MMS22L: variants seen among roughly 807,000 people sequenced by gnomAD.
MMS22L encodes the protein protein MMS22-like.
In MMS22L, 74 loss-of-function variants were observed where a neutral mutation model predicts 159.1. The observed-to-expected ratio is 0.47, with a 90% CI of 0.39 to 0.56. The LOEUF is 0.56. Among genes scored for constraint, MMS22L ranks in the 20% least tolerant of loss-of-function variants. The pLI, the probability that MMS22L is intolerant of heterozygous loss-of-function variation, is 0.00. For synonymous variants in MMS22L, 517 were observed against 506.9 expected (o/e 1.02, Z -0.27); for missense variants, 1,351 against 1,422.1 (o/e 0.95, Z 0.80).
intron 19 of MMS22L, among the ~76,000 whole-genome samples, chr6:97,169,338 T>C (rs1043570468): frequency 3.9e-5 from 6 of 152,108 alleles, no homozygotes; most frequent in Admixed American, 2.6e-4. Context: ...ATTATTACTA[T>C]TGAGGTCTCC....
At chr6:97,209,304 T>C (rs930130986) in intron 14 of MMS22L, among the ~76,000 whole-genome samples, 1 of 152,048 alleles carries the variant, frequency 6.6e-6, no homozygotes, top group Non-Finnish European at 1.5e-5. Context: ...TTTGCACTAA[T>C]AGCACTCAAA....
intron 14 of MMS22L, among the ~76,000 whole-genome samples, chr6:97,226,916 C>G (rs969975007): frequency 2.0e-5 from 3 of 151,966 alleles, no homozygotes; most frequent in Non-Finnish European, 4.4e-5. Flanking sequence ...TTGTGACAAC[C>G]AAAAATGTCT....
At chr6:97,156,804 C>CT (rs923475386) in intron 22 of MMS22L, among the ~76,000 whole-genome samples, 8 of 151,944 alleles carry the variant, frequency 5.3e-5, no homozygotes, top group Admixed American at 4.6e-4. Flanking sequence ...GCTATGCACA[C>CT]TTTTTTTTGG....
chr6:97,233,860 C>T lies in MMS22L; in HGVS notation c.1302+1G>A, dbSNP rs758840268. On this transcript the variant is annotated splice_donor_variant, in intron 12 of 24. Coordinates refer to ENST00000683635, the MANE Select transcript of MMS22L (RefSeq NM_001350599.2). LOFTEE classifies it high-confidence loss of function. ...AGCAAATTCCTATTCTATTCACTCA[C>T]CAGGTTCTTACTATAATATTCCCAT... 2.5e-6 allele frequency: 4 copies of T among 1,598,310 alleles called. No individual in the cohort carries two copies. Among genetic ancestry groups the T allele is most frequent in the African/African-American group, 2.7e-5 (2 of 74,088 alleles).
chr6:97,234,021 T>G (rs748430240), intron 11 of MMS22L, 41 bp from the exon 12 acceptor site: 1 of 1,582,606 alleles, frequency 6.3e-7, no homozygotes, highest in South Asian at 1.2e-5. Context: ...AAATGGGCTC[T>G]GGCAATATAA....
intron 11 of MMS22L, among the ~76,000 whole-genome samples, chr6:97,242,460 C>T (rs962225863): frequency 6.6e-6 from 1 of 152,180 alleles, no homozygotes; most frequent in African/African-American, 2.4e-5. Flanking sequence ...TCTTTTTCCA[C>T]CCCATTACCT....
intron 14 of MMS22L, among the ~76,000 whole-genome samples, chr6:97,208,552 AC>A (rs1808034049): frequency 6.6e-6 from 1 of 152,028 alleles, no homozygotes; most frequent in South Asian, 2.1e-4. Flanking sequence ...GAACCTGGAA[AC>A]CCTTAATAGG....
At chr6:97,227,052 T>C (rs1431229957) in intron 14 of MMS22L, among the ~76,000 whole-genome samples, 1 of 152,152 alleles carries the variant, frequency 6.6e-6, no homozygotes, top group Non-Finnish European at 1.5e-5. Flanking sequence ...TGTCCCCCAT[T>C]TGTAAAATGA....
chr6:97,163,841 G>T (rs914600862), intron 21 of MMS22L, among the ~76,000 whole-genome samples: 1 of 151,954 alleles, frequency 6.6e-6, no homozygotes, highest in African/African-American at 2.4e-5. Context: ...ATAAAGCTGT[G>T]ACATAGGGAG....
intron 10 of MMS22L, among the ~76,000 whole-genome samples, chr6:97,253,119 G>A (rs903765788): frequency 1.3e-5 from 2 of 152,208 alleles, no homozygotes; most frequent in African/African-American, 4.8e-5. Flanking sequence ...TGGGCCGTGT[G>A]TGAACTTCTC....
rs775082957 is a variant in MMS22L at position 97,229,284 on chromosome 6, T to C, written c.1649A>G (p.His550Arg). The part of the protein sequence containing the change: ...AVAEVEDVAS[H>R]VLDLLNFLKP... ...GAGGAAATTCAGGAGGTCTAAAACA[T>C]GACTTGCAACATCTTCTACCTCTGC... The change falls in exon 14 of 25, where the codon CAT (histidine) becomes CGT (arginine). Residue 550 changes from histidine to arginine, a missense_variant. Coordinates refer to ENST00000683635, the MANE Select transcript of MMS22L (RefSeq NM_001350599.2). 3 of 1,614,158 alleles carry C rather than the reference T, an allele frequency of 1.9e-6. No individual in the cohort carries two copies. The highest frequency in any genetic ancestry group is 2.5e-6 in the Non-Finnish European group (3 of 1,180,020).
chr6:97,154,324 T>C (rs1350780439), intron 22 of MMS22L, among the ~76,000 whole-genome samples: 2 of 152,180 alleles, frequency 1.3e-5, no homozygotes, highest in African/African-American at 4.8e-5. Context: ...GTCCACTTAT[T>C]CTTAAGAGTT....
At chr6:97,155,097 T>C (rs938497839) in intron 22 of MMS22L, among the ~76,000 whole-genome samples, 1 of 152,186 alleles carries the variant, frequency 6.6e-6, no homozygotes, top group Non-Finnish European at 1.5e-5. Flanking sequence ...GTAAATACCA[T>C]ATGGGTAGAT....
intron 22 of MMS22L, among the ~76,000 whole-genome samples, chr6:97,157,144 C>T (rs1037057864): frequency 5.3e-5 from 8 of 152,156 alleles, no homozygotes; most frequent in African/African-American, 1.7e-4. Context: ...TATAGGAATG[C>T]TTGTGATTTC....
rs1340358586 is a variant in MMS22L at position 97,174,211 on chromosome 6, C to T, written c.2680-989G>A. Among the ~76,000 whole-genome samples, 3 of 149,932 alleles carry T rather than the reference C, an allele frequency of 2.0e-5. No individual in the cohort carries two copies. The Admixed American group carries it at 2.0e-4, about 10-fold the overall frequency. The stretch of plus-strand genomic sequence containing the variant: ...GAGGTTGCAGTGAGCCAAGATCGCA[C>T]CACTGTACTCCAGCCTGGTGACAGA... On this transcript the variant is annotated intron_variant, in intron 18 of 24. Coordinates refer to ENST00000683635, the MANE Select transcript of MMS22L (RefSeq NM_001350599.2).
chr6:97,240,463 A>T (rs761780554), intron 11 of MMS22L, among the ~76,000 whole-genome samples: 15 of 152,206 alleles, frequency 9.9e-5, no homozygotes, highest in Non-Finnish European at 2.2e-4. Context: ...TGGGCCATGC[A>T]AACCAGGATA....
intron 22 of MMS22L, among the ~76,000 whole-genome samples, chr6:97,158,071 T>C (rs1299637060): frequency 1.3e-5 from 2 of 152,192 alleles, no homozygotes; most frequent in African/African-American, 2.4e-5. Context: ...TCTAGGAATT[T>C]ATCCATTTCT....
At chr6:97,210,643 A>T (rs1434458236) in intron 14 of MMS22L, among the ~76,000 whole-genome samples, 1 of 151,970 alleles carries the variant, frequency 6.6e-6, no homozygotes, top group Admixed American at 6.6e-5. Flanking sequence ...ATTAGTCTAT[A>T]TAGAAATCAT....
Position 97,254,593 on chromosome 6 carries a change from A to C in MMS22L, c.1083T>G (p.Phe361Leu). ...SWWIITHVAS[F>L]YKFDRHGVPD... ...GTACTCCATGGCGATCAAACTTGTA[A>C]AATGATGCTACATGAGTAATAATCC... Residue 361 changes from phenylalanine to leucine, a missense_variant, in exon 10 of 25, where the codon TTT (phenylalanine) becomes TTG (leucine). Coordinates refer to ENST00000683635, the MANE Select transcript of MMS22L (RefSeq NM_001350599.2). The C allele has an allele frequency of 5.0e-6, 8 of 1,613,584 alleles. No individual in the cohort carries two copies. Among genetic ancestry groups the C allele is most frequent in the Non-Finnish European group, 6.8e-6 (8 of 1,179,728 alleles).
Sources: gnomAD v4.1 joint callset for allele counts (sites outside exome capture counted in the v4.1 genomes callset) on GRCh38, gnomAD v4.1.1 for gene constraint, MANE v1.5 for transcripts, NCBI Gene and HGNC (gene_info 2026-07-23, HGNC 2026-07-21) for gene names.